Variants in ADGRL2 observed in about 807,000 individuals in gnomAD.
ADGRL2 encodes the protein calcium-independent alpha-latrotoxin receptor 2.
In ADGRL2, 44 loss-of-function variants were observed where a neutral mutation model predicts 157.4. The observed-to-expected ratio is 0.28, with a 90% CI of 0.22 to 0.36. The LOEUF (loss-of-function observed/expected upper bound fraction) is 0.36, where lower values mean the gene tolerates loss of function less well. Among genes scored for constraint, ADGRL2 ranks in the 10% least tolerant of loss-of-function variants. The probability of loss-of-function intolerance (pLI) is 1.00; values close to 1 mark genes in which losing one functional copy is unlikely to be tolerated. For missense variants in ADGRL2, 1,510 were observed against 1,768.9 expected (o/e 0.85, Z 2.63); for synonymous variants, 585 against 624.7 (o/e 0.94, Z 0.95).
At chr1:81,643,654 A>C (rs937953057) in intron 3 of ADGRL2, among the ~76,000 whole-genome samples, 2 of 152,072 alleles carry the variant, frequency 1.3e-5, no homozygotes, top group Admixed American at 6.6e-5. Context: ...TTGTGTTAAC[A>C]CTCCCCAAAA....
At chr1:81,518,176 G>C (rs72946989) in intron 2 of ADGRL2, among the ~76,000 whole-genome samples, 1,976 of 152,358 alleles carry the variant, frequency 0.013, 37 homozygotes, top group African/African-American at 0.045. Flanking sequence ...AGCAGGAAGG[G>C]CAGCGTGAAG....
chr1:81,829,225 G>C (rs533421413), intron 1 of ADGRL2, among the ~76,000 whole-genome samples: 158 of 152,240 alleles, frequency 1.0e-3, no homozygotes, highest in African/African-American at 3.3e-3. Context: ...AGAGGAATCA[G>C]CTACACCAAA....
At chr1:81,415,452 A>G (rs1176434254) in intron 1 of ADGRL2, among the ~76,000 whole-genome samples, 1 of 152,240 alleles carries the variant, frequency 6.6e-6, no homozygotes, top group Admixed American at 6.5e-5. Context: ...AGCAGGATGT[A>G]GACACACCCA....
chr1:81,661,566 G>A (rs2082650185), intron 3 of ADGRL2, among the ~76,000 whole-genome samples: 1 of 152,112 alleles, frequency 6.6e-6, no homozygotes, highest in African/African-American at 2.4e-5. Context: ...CAACTGTGTG[G>A]TCAAAACTTT....
chr1:81,939,830 G>T (rs888346586), intron 4 of ADGRL2, among the ~76,000 whole-genome samples: 1 of 151,134 alleles, frequency 6.6e-6, no homozygotes, highest in Non-Finnish European at 1.5e-5. Context: ...CTGTCCTTTT[G>T]ATTTTCATAA....
At chr1:81,461,859 C>A (rs938402884) in intron 2 of ADGRL2, among the ~76,000 whole-genome samples, 1 of 143,560 alleles carries the variant, frequency 7.0e-6, no homozygotes, top group South Asian at 2.1e-4. Flanking sequence ...TTAAAACCTG[C>A]CAGTAGGCAA....
intron 3 of ADGRL2, among the ~76,000 whole-genome samples, chr1:81,631,378 G>C (rs947010600): frequency 6.6e-6 from 1 of 151,882 alleles, no homozygotes; most frequent in Non-Finnish European, 1.5e-5. Flanking sequence ...AACCACACCC[G>C]GTTAAGTTTG....
At chr1:81,338,299 G>A (rs532173244) in intron 1 of ADGRL2, among the ~76,000 whole-genome samples, 6 of 152,288 alleles carry the variant, frequency 3.9e-5, no homozygotes, top group Middle Eastern at 3.4e-3. Flanking sequence ...GGAGGCAGAA[G>A]TTGCAGTGAG....
At chr1:81,669,652 A>G (rs2148909957) in intron 3 of ADGRL2, among the ~76,000 whole-genome samples, 1 of 152,266 alleles carries the variant, frequency 6.6e-6, no homozygotes, top group African/African-American at 2.4e-5. Context: ...CATTTAAAAG[A>G]GGACACCTGG....
At chr1:81,556,218 C>T (rs1029802461) in intron 2 of ADGRL2, among the ~76,000 whole-genome samples, 2 of 151,244 alleles carry the variant, frequency 1.3e-5, no homozygotes, top group Non-Finnish European at 2.9e-5. Context: ...GAAACAAGAG[C>T]GAATTTACAT....
chr1:81,790,275 G>A (rs2149414078), intron 2 of ADGRL2, among the ~76,000 whole-genome samples: 1 of 150,894 alleles, frequency 6.6e-6, no homozygotes, highest in African/African-American at 2.4e-5. Flanking sequence ...ACACACACAT[G>A]AACACACACA....
At position 81,952,041 on chromosome 1, in the gene ADGRL2, T is replaced by G. The variant is rs1651997126; in HGVS notation, c.1693T>G (p.Ser565Ala). ...KGPVFAGDVSSSVRLMEQLVD... is the reference protein window; with the variant it reads ...KGPVFAGDVSASVRLMEQLVD... ...GCCAGTGTTTGCTGGGGATGTAAGTTCTTCAGTGAGATTGATGGAGCAGTT... is the reference window on the plus strand; with the variant it reads ...GCCAGTGTTTGCTGGGGATGTAAGTGCTTCAGTGAGATTGATGGAGCAGTT... Residue 565 changes from serine to alanine, a missense_variant, in exon 9 of 24, where the codon TCT becomes GCT. Coordinates refer to ENST00000686636, the MANE Select transcript of ADGRL2 (RefSeq NM_001366006.2). 4 of 1,613,706 alleles carry G rather than the reference T, an allele frequency of 2.5e-6. No individual in the cohort carries two copies. The highest frequency in any genetic ancestry group is 3.4e-6 in the Non-Finnish European group (4 of 1,179,752).
chr1:81,664,522 G>T (rs1471944700), intron 3 of ADGRL2, among the ~76,000 whole-genome samples: 1 of 152,020 alleles, frequency 6.6e-6, no homozygotes, highest in Admixed American at 6.6e-5. Context: ...TCCATGAATG[G>T]TACTAAACCT....
At chr1:81,902,135 G>A (rs1557875822) in intron 2 of ADGRL2, among the ~76,000 whole-genome samples, 1 of 152,150 alleles carries the variant, frequency 6.6e-6, no homozygotes, top group Non-Finnish European at 1.5e-5. Flanking sequence ...TTTCCCGATT[G>A]GCAACTGGTT....
intron 1 of ADGRL2, among the ~76,000 whole-genome samples, chr1:81,318,472 A>G (rs1191344654): frequency 6.6e-6 from 1 of 152,178 alleles, no homozygotes; most frequent in Non-Finnish European, 1.5e-5. Flanking sequence ...TGGGGGCAAT[A>G]CTGACATCTA....
chr1:81,826,024 C>A (rs759670497), intron 1 of ADGRL2, among the ~76,000 whole-genome samples: 26 of 152,086 alleles, frequency 1.7e-4, no homozygotes, highest in Non-Finnish European at 3.5e-4. Context: ...TGAATGTGTA[C>A]CTCTTTAAAA....
At chr1:81,505,908 G>T in intron 2 of ADGRL2, 1 of 315,774 alleles carries the variant, frequency 3.2e-6, no homozygotes. Context: ...CATGTAAAAA[G>T]CACCACGCTG....
chr1:81,430,318 G>A (rs1168595909), intron 1 of ADGRL2, among the ~76,000 whole-genome samples: 2 of 152,226 alleles, frequency 1.3e-5, no homozygotes, highest in African/African-American at 4.8e-5. Flanking sequence ...AGGTGCAGAA[G>A]GGGAAGGTTT....
chr1:81,942,892 TTTGTGATCACTGAAAC>T (rs1419009847), intron 5 of ADGRL2, 61 bp from the exon 6 acceptor site: 1 of 1,056,930 alleles, frequency 9.5e-7, no homozygotes. Flanking sequence ...TCCCTTTTGA[TTTGTGATCACTGAAAC>T]TTGTTTGCCT....
Sources: gnomAD v4.1 joint callset for allele counts (sites outside exome capture counted in the v4.1 genomes callset) on GRCh38, gnomAD v4.1.1 for gene constraint, MANE v1.5 for transcripts, NCBI Gene and HGNC (gene_info 2026-07-23, HGNC 2026-07-21) for gene names.